RNASEH2B: variants seen among roughly 807,000 people sequenced by gnomAD.
RNASEH2B encodes Aicardi-Goutieres syndrome 2 protein.
In RNASEH2B, 36 loss-of-function variants were observed where a neutral mutation model predicts 45.0. That is an observed-to-expected ratio of 0.80 (90% confidence interval 0.61 to 1.06). RNASEH2B has a LOEUF of 1.06. RNASEH2B is among the 50% of genes least tolerant of loss of function. The pLI is 0.00. For synonymous variants in RNASEH2B, 119 were observed against 125.7 expected (o/e 0.95, Z 0.35); for missense variants, 361 against 360.3 (o/e 1.00, Z -0.02).
chr13:50,963,749 A>G (rs1302370555), intron 9 of RNASEH2B, among the ~76,000 whole-genome samples: 1 of 152,222 alleles, frequency 6.6e-6, no homozygotes. Flanking sequence ...TTCCCTCAGT[A>G]TTAGCATACA....
At chr13:50,945,333 A>T (rs1951886262) in intron 6 of RNASEH2B, 94 bp from the exon 7 acceptor site, 1 of 817,376 alleles carries the variant, frequency 1.2e-6, no homozygotes, top group African/African-American at 1.7e-5. Context: ...TTCTTTGCAG[A>T]TCTCTTAAAT....
chr13:50,953,901 G>T lies in RNASEH2B; in HGVS notation c.742-4G>T. On this transcript the variant is annotated splice_region_variant and splice_polypyrimidine_tract_variant and intron_variant, in intron 9 of 10. Transcript: ENST00000336617. Reference sequence around the variant, plus strand: ...GACACCACTTCACTGCTCTAATGTTGCAGAAAATAAAGTTATCAGATGAGC... The same window carrying T: ...GACACCACTTCACTGCTCTAATGTTTCAGAAAATAAAGTTATCAGATGAGC... 4 of 1,584,702 alleles carry T rather than the reference G, an allele frequency of 2.5e-6. No homozygotes were observed. Among genetic ancestry groups the T allele is most frequent in the Non-Finnish European group, 3.5e-6 (4 of 1,153,600 alleles).
chr13:50,953,936 CA>C lies in RNASEH2B; in HGVS notation c.777del (p.Glu260LysfsTer11). The stretch of plus-strand genomic sequence containing the variant: ...AAGTTATCAGATGAGCCTGTAGAAG[CA>C]AAAGAAGATTACACTAAGTTTAATA... Reference protein sequence around the residue: ...KIKLSDEPVEAKEDYTKFNTK... With the variant: ...KIKLSDEPVEXKEDYTKFNTK... On this transcript the variant is annotated frameshift_variant, in exon 10 of 11. Coordinates refer to ENST00000336617, the MANE Select transcript of RNASEH2B (RefSeq NM_024570.4). LOFTEE classifies it high-confidence loss of function. 1 of 1,607,868 alleles carries C rather than the reference CA, an allele frequency of 6.2e-7. No homozygotes were observed. The highest frequency in any genetic ancestry group is 8.5e-7 in the Non-Finnish European group (1 of 1,174,544).
chr13:50,933,153 G>T (rs1184238304), intron 4 of RNASEH2B, among the ~76,000 whole-genome samples: 1 of 152,234 alleles, frequency 6.6e-6, no homozygotes, highest in African/African-American at 2.4e-5. Flanking sequence ...CACCTATGTG[G>T]TGTTTTCTAG....
At chr13:50,945,309 A>C in intron 6 of RNASEH2B, 118 bp from the exon 7 acceptor site, 6 of 728,044 alleles carry the variant, frequency 8.2e-6, no homozygotes, top group Non-Finnish European at 1.5e-5. Flanking sequence ...AGATACTTCT[A>C]GGTTCTCAAA....
intron 1 of RNASEH2B, among the ~76,000 whole-genome samples, chr13:50,924,218 A>G (rs560243115): frequency 4.8e-4 from 73 of 152,346 alleles, no homozygotes; most frequent in African/African-American, 1.7e-3. Flanking sequence ...AAGCACTTCT[A>G]TTAAAAGGCA....
At chr13:50,950,935 G>A (rs1198684324) in intron 9 of RNASEH2B, 1 of 152,180 alleles carries the variant, frequency 6.6e-6, no homozygotes, top group Non-Finnish European at 1.5e-5. Context: ...AAATATTTTA[G>A]GCTCCATGAA....
At position 50,910,124 on chromosome 13, in the gene RNASEH2B, C is replaced by A; in HGVS notation, c.48C>A (p.His16Gln). The change falls in exon 1 of 11, where the codon CAC (histidine) becomes CAA (glutamine). Residue 16 changes from histidine to glutamine, a missense_variant. His to Gln is a conservative substitution (Grantham distance 24). Coordinates refer to ENST00000336617, the MANE Select transcript of RNASEH2B (RefSeq NM_024570.4). ...GGGACGGGGTTGGCGCCCGGCAGCA[C>A]GTGTTCCTGGTTTCAGGTAAACACG... is the stretch of plus-strand genomic sequence containing the variant. ...DCGDGVGARQHVFLVSEYLKD... is the reference protein window; with the variant it reads ...DCGDGVGARQQVFLVSEYLKD... 5 of 1,455,788 alleles carry A rather than the reference C, an allele frequency of 3.4e-6. No individual in the cohort carries two copies. In the South Asian group the frequency reaches 4.1e-5, roughly 12 times the overall value. The allele number at this position is 1,455,788 out of a possible 1,614,324, so 90.2% of individuals were successfully genotyped here.
rs552801064 is a variant in RNASEH2B at position 50,944,188 on chromosome 13, T to TA, written c.510+804dup. 6.9e-4 allele frequency among the ~76,000 whole-genome samples: 103 copies of TA among 148,726 alleles called. 1 individual carries two copies. In the South Asian group the frequency reaches 0.016, roughly 23 times the overall value. ...GTATATTTCTTACTATGGGTTGTGA[T>TA]AAAAAAAAAACTTTGAAAGCCACTG... On this transcript the variant is annotated intron_variant, in intron 6 of 10. Transcript: ENST00000336617.
chr13:50,929,446 A>G, intron 2 of RNASEH2B, 29 bp from the exon 3 acceptor site: 1 of 1,437,354 alleles, frequency 7.0e-7, no homozygotes, highest in Non-Finnish European at 9.8e-7. Context: ...GTGAAAACTT[A>G]CAAATAAAAG....
At chr13:50,964,524 C>T (rs1250051654) in intron 9 of RNASEH2B, among the ~76,000 whole-genome samples, 1 of 152,142 alleles carries the variant, frequency 6.6e-6, no homozygotes, top group Non-Finnish European at 1.5e-5. Context: ...AGAGGAGGAG[C>T]TGCTTAAACA....
chr13:50,969,956 G>C (rs1389830041), exon 10 of RNASEH2B: 4 of 1,551,472 alleles, frequency 2.6e-6, no homozygotes, highest in Non-Finnish European at 3.5e-6. Context: ...ACAGAAAAGG[G>C]GCAAGTGATG....
chr13:50,944,101 A>G (rs1464384276), intron 6 of RNASEH2B, among the ~76,000 whole-genome samples: 1 of 151,896 alleles, frequency 6.6e-6, no homozygotes, highest in Non-Finnish European at 1.5e-5. Flanking sequence ...TAGCAGAGGA[A>G]GGGCAGGTAT....
intron 1 of RNASEH2B, among the ~76,000 whole-genome samples, chr13:50,920,045 TTTTGTTTTGA>T (rs1231144614): frequency 1.3e-5 from 2 of 148,396 alleles, no homozygotes; most frequent in African/African-American, 5.2e-5. Context: ...TTTTGTTTTG[TTTTGTTTTGA>T]CAGAGTCTTG....
chr13:50,912,982 T>C (rs1336158154), intron 1 of RNASEH2B: 2 of 152,248 alleles, frequency 1.3e-5, no homozygotes, highest in Non-Finnish European at 2.9e-5. Context: ...GATTTAGGTA[T>C]CTTTGCCTCT....
At chr13:50,956,163 CTTTT>C in intron 10 of RNASEH2B, 191 bp from the exon 11 acceptor site, 1 of 536,544 alleles carries the variant, frequency 1.9e-6, no homozygotes, top group Non-Finnish European at 3.4e-6. Context: ...TCTTCTGCCT[CTTTT>C]AACATATTCT....
At chr13:50,944,033 A>G (rs1360216586) in intron 6 of RNASEH2B, among the ~76,000 whole-genome samples, 2 of 146,276 alleles carry the variant, frequency 1.4e-5, no homozygotes, top group East Asian at 4.1e-4. Flanking sequence ...GACGGACGGG[A>G]CGTGATGGGA....
At chr13:50,920,762 CA>C (rs1296504084) in intron 1 of RNASEH2B, among the ~76,000 whole-genome samples, 1 of 152,092 alleles carries the variant, frequency 6.6e-6, no homozygotes, top group Admixed American at 6.6e-5. Context: ...CTTTTAGTAT[CA>C]AAACTTGCTT....
downstream of RNASEH2B, among the ~76,000 whole-genome samples, chr13:50,958,063 TA>T (rs1374540448): frequency 6.6e-6 from 1 of 152,238 alleles, no homozygotes; most frequent in African/African-American, 2.4e-5. Flanking sequence ...GTTGATACTT[TA>T]TTTTGCTGTG....
Sources: allele counts gnomAD v4.1 joint callset (sites outside exome capture counted in the v4.1 genomes callset), GRCh38; gene constraint gnomAD v4.1.1; transcripts MANE v1.5; gene names NCBI Gene and HGNC (gene_info 2026-07-23, HGNC 2026-07-21).